The following KAZN variants were observed in gnomAD, a reference collection of about 807,000 sequenced individuals.
The protein encoded by KAZN is kazrin, periplakin interacting protein.
Under a neutral mutation model 87.4 loss-of-function variants are expected in KAZN, and 40 were observed. The observed-to-expected ratio is 0.46, with a 90% confidence interval of 0.36 to 0.60. The LOEUF (loss-of-function observed/expected upper bound fraction) is 0.60, where lower values mean the gene tolerates loss of function less well. Ranked by LOEUF, KAZN falls within the 20% of genes least tolerant of loss-of-function variation. The pLI is 0.00. For synonymous variants in KAZN, 466 were observed against 458.3 expected (o/e 1.02, Z -0.22); for missense variants, 898 against 1,073.9 (o/e 0.84, Z 2.29).
At chr1:14,962,098 G>A (rs1466752007) in intron 2 of KAZN, among the ~76,000 whole-genome samples, 3 of 152,240 alleles carry the variant, frequency 2.0e-5, no homozygotes, top group African/African-American at 7.2e-5. Context: ...GATTTTGCTG[G>A]ACAGTTAATC....
At chr1:14,942,988 G>T (rs559466091) in intron 1 of KAZN, among the ~76,000 whole-genome samples, 1 of 145,278 alleles carries the variant, frequency 6.9e-6, no homozygotes, top group South Asian at 2.2e-4. Flanking sequence ...CTGGATGTGA[G>T]CTGCGTGTGT....
chr1:14,667,553 G>A (rs996165705), intron 1 of KAZN, among the ~76,000 whole-genome samples: 1 of 152,180 alleles, frequency 6.6e-6, no homozygotes, highest in Non-Finnish European at 1.5e-5. Flanking sequence ...TGAATAAGTT[G>A]TGCTTTGCCA....
intron 1 of KAZN, among the ~76,000 whole-genome samples, chr1:13,993,744 C>T (rs1187209204): frequency 6.6e-6 from 1 of 152,038 alleles, no homozygotes; most frequent in African/African-American, 2.4e-5. Context: ...GTTACAAGAA[C>T]AATTAGATGG....
chr1:14,283,974 CATT>C (rs1400376486), intron 2 of KAZN, among the ~76,000 whole-genome samples: 1 of 152,134 alleles, frequency 6.6e-6, no homozygotes, highest in Non-Finnish European at 1.5e-5. Context: ...GCCTCGGAAA[CATT>C]ATGCTAAGTG....
intron 2 of KAZN, among the ~76,000 whole-genome samples, chr1:14,520,634 C>T (rs976254769): frequency 6.6e-6 from 1 of 152,230 alleles, no homozygotes; most frequent in African/African-American, 2.4e-5. Flanking sequence ...CAGGCAAGAG[C>T]TCAGCACAGC....
chr1:14,101,015 G>A (rs1157495469), intron 1 of KAZN, among the ~76,000 whole-genome samples: 3 of 152,082 alleles, frequency 2.0e-5, no homozygotes, highest in South Asian at 2.1e-4. Context: ...CGCCATAATC[G>A]TGAGGCTTCC....
chr1:14,733,634 G>A (rs766928743), intron 1 of KAZN, among the ~76,000 whole-genome samples: 4 of 152,000 alleles, frequency 2.6e-5, no homozygotes, highest in East Asian at 3.9e-4. Context: ...GGAGGCCCCC[G>A]GTTCTCCCAG....
chr1:14,808,832 C>T (rs1646313031), intron 1 of KAZN, among the ~76,000 whole-genome samples: 1 of 152,152 alleles, frequency 6.6e-6, no homozygotes. Context: ...TAGGGCTCAG[C>T]AGTGTCATCA....
chr1:14,055,778 A>G (rs922134884), intron 1 of KAZN, among the ~76,000 whole-genome samples: 4 of 152,200 alleles, frequency 2.6e-5, no homozygotes, highest in African/African-American at 9.7e-5. Flanking sequence ...CTTCTAGTCC[A>G]CAGAGCAAAG....
chr1:14,740,000 C>CG (rs1352795611), intron 1 of KAZN, among the ~76,000 whole-genome samples: 2 of 152,044 alleles, frequency 1.3e-5, no homozygotes, highest in African/African-American at 4.8e-5. Flanking sequence ...CAGTTGAGAA[C>CG]GGGGGAAAGA....
intron 1 of KAZN, among the ~76,000 whole-genome samples, chr1:14,804,494 T>C (rs1258970974): frequency 6.6e-6 from 1 of 152,084 alleles, no homozygotes; most frequent in Admixed American, 6.5e-5. Flanking sequence ...GCCTCAACCA[T>C]ATGAGTTGAG....
In KAZN at chr1:14,949,152, CAAAAATAATAAT is replaced by C. The variant is rs1662172778; in HGVS notation, c.227-11529_227-11518del. On this transcript the variant is annotated intron_variant, in intron 1 of 14. Coordinates refer to ENST00000376030, the MANE Select transcript of KAZN (RefSeq NM_201628.3). The surrounding 1 kb of genome is among the most constrained non-coding windows in gnomAD (Gnocchi z 4.3). ...TGGGCAACAGAGTGAGACTCCGACT[CAAAAATAATAAT>C]AATAATAATAATAATAATAATAATA... Among the ~76,000 whole-genome samples the C allele has an allele frequency of 2.2e-5, 2 of 92,682 alleles. No homozygotes were observed. Among genetic ancestry groups the C allele is most frequent in the African/African-American group, 1.2e-4 (2 of 16,710 alleles). 60.8% of individuals were successfully genotyped at this position (92,682 alleles called of 152,430 possible).
chr1:14,200,310 CAG>C (rs1455924001), intron 2 of KAZN, among the ~76,000 whole-genome samples: 4 of 152,066 alleles, frequency 2.6e-5, no homozygotes, highest in African/African-American at 9.7e-5. Context: ...AGAAAGTACA[CAG>C]AAATATTAAC....
chr1:13,994,834 G>C (rs1639434837), intron 1 of KAZN, among the ~76,000 whole-genome samples: 1 of 151,912 alleles, frequency 6.6e-6, no homozygotes, highest in Non-Finnish European at 1.5e-5. Context: ...TGGAAAGCAT[G>C]CACAAAGGAA....
intron 1 of KAZN, among the ~76,000 whole-genome samples, chr1:14,006,975 T>C (rs542984846): frequency 3.3e-5 from 5 of 152,336 alleles, no homozygotes; most frequent in South Asian, 2.1e-4. Flanking sequence ...TCAGACTATC[T>C]TTCCATTTAT....
intron 10 of KAZN, among the ~76,000 whole-genome samples, chr1:15,100,199 G>A (rs1016942349): frequency 1.3e-5 from 2 of 152,198 alleles, no homozygotes; most frequent in Non-Finnish European, 2.9e-5. Flanking sequence ...GGAGAAAGAG[G>A]GGAAGGGGTT....
chr1:14,637,283 T>C (rs1313214301), intron 1 of KAZN, among the ~76,000 whole-genome samples: 1 of 152,204 alleles, frequency 6.6e-6, no homozygotes, highest in African/African-American at 2.4e-5. Context: ...ATAATATTTG[T>C]GTTCACTTTA....
chr1:13,962,007 G>A (rs1641771141), intron 1 of KAZN, among the ~76,000 whole-genome samples: 1 of 152,162 alleles, frequency 6.6e-6, no homozygotes, highest in African/African-American at 2.4e-5. Flanking sequence ...GAGCTCCTAT[G>A]CATCCTTCTC....
chr1:13,997,468 C>T (rs1453403602), intron 1 of KAZN, among the ~76,000 whole-genome samples: 2 of 151,926 alleles, frequency 1.3e-5, no homozygotes, highest in Non-Finnish European at 2.9e-5. Flanking sequence ...AGCCAAGAAC[C>T]TGATAAAAGG....
Sources: gnomAD v4.1 joint callset for allele counts (sites outside exome capture counted in the v4.1 genomes callset) on GRCh38, gnomAD v4.1.1 for gene constraint, Gnocchi (gnomAD v3.1) non-coding constraint, MANE v1.5 for transcripts, NCBI Gene and HGNC (gene_info 2026-07-23, HGNC 2026-07-21) for gene names.